COL13A1: variants seen among roughly 807,000 people sequenced by gnomAD.
COL13A1 encodes the protein collagen type XIII alpha 1 chain.
COL13A1 carries 89 observed loss-of-function variants against 130.9 expected under a neutral mutation model. The observed-to-expected ratio is 0.68, with a 90% CI of 0.57 to 0.81. The LOEUF is 0.81. Among genes scored for constraint, COL13A1 ranks in the 30% least tolerant of loss-of-function variants. The pLI is 0.00. For synonymous variants in COL13A1, 402 were observed against 341.6 expected, an observed-to-expected ratio of 1.18 and a Z score of -1.95; for missense variants, 879 against 934.6, an observed-to-expected ratio of 0.94 and a Z score of 0.78.
intron 39 of COL13A1, among the ~76,000 whole-genome samples, chr10:69,954,694 G>A (rs1000081256): frequency 1.3e-5 from 2 of 152,188 alleles, no homozygotes; most frequent in South Asian, 2.1e-4. Context: ...TCCAGGATTA[G>A]GTTTTCGGAT....
chr10:69,931,497 C>T (rs1383988954), intron 30 of COL13A1, among the ~76,000 whole-genome samples: 1 of 152,156 alleles, frequency 6.6e-6, no homozygotes, highest in Non-Finnish European at 1.5e-5. Context: ...GGAGCACCAA[C>T]CTAGTTCGAC....
intron 1 of COL13A1, among the ~76,000 whole-genome samples, chr10:69,819,752 C>T (rs550851231): frequency 6.6e-6 from 1 of 152,310 alleles, no homozygotes; most frequent in East Asian, 1.9e-4. Context: ...AGCTGTGGTG[C>T]TTTATGGCTG....
intron 2 of COL13A1, among the ~76,000 whole-genome samples, chr10:69,847,402 A>G (rs1853453009): frequency 6.6e-6 from 1 of 152,212 alleles, no homozygotes; most frequent in African/African-American, 2.4e-5. Flanking sequence ...ACCTACTGCA[A>G]TCTATTAAAT....
intron 1 of COL13A1, among the ~76,000 whole-genome samples, chr10:69,817,502 A>T (rs1234155383): frequency 6.6e-6 from 1 of 152,046 alleles, no homozygotes; most frequent in African/African-American, 2.4e-5. Context: ...TGAGGGAACC[A>T]CAGAATGATT....
chr10:69,932,664 T>A, intron 31 of COL13A1, 60 bp downstream of exon 31: 4 of 1,123,240 alleles, frequency 3.6e-6, no homozygotes, highest in Non-Finnish European at 5.4e-6. Context: ...GCATGCACAG[T>A]ATTTCTGTGC....
chr10:69,869,338 G>A, intron 3 of COL13A1, among the ~76,000 whole-genome samples: 1 of 87,782 alleles, frequency 1.1e-5, no homozygotes, highest in Non-Finnish European at 2.6e-5. Context: ...TTTGCCCAGT[G>A]CTGGCTGAAA....
At chr10:69,887,593 C>A in intron 8 of COL13A1, 102 bp downstream of exon 8, 7 of 1,277,818 alleles carry the variant, frequency 5.5e-6, no homozygotes, top group South Asian at 1.3e-5. Flanking sequence ...CTTTCTCTCC[C>A]AAACCCTGGT....
chr10:69,824,502 G>A (rs180811053), intron 2 of COL13A1, among the ~76,000 whole-genome samples: 14 of 152,328 alleles, frequency 9.2e-5, no homozygotes, highest in Non-Finnish European at 1.3e-4. Flanking sequence ...GAGCTGGGGA[G>A]GAATGTGGCA....
chr10:69,879,034 G>A lies in COL13A1; in HGVS notation c.462+969G>A, dbSNP rs534029913. 5.9e-5 allele frequency among the ~76,000 whole-genome samples: 9 copies of A among 152,296 alleles called. No homozygotes were observed. In the East Asian group the frequency reaches 1.2e-3, roughly 20 times the overall value. On this transcript the variant is annotated intron_variant, in intron 6 of 40. Transcript: ENST00000645393. Reference sequence around the variant, plus strand: ...ATTAAACACAAATTGTGTCAGGTGCGGGTTTAAGTATTTTGTCTGTTTTCC... The same window carrying A: ...ATTAAACACAAATTGTGTCAGGTGCAGGTTTAAGTATTTTGTCTGTTTTCC...
At chr10:69,839,890 G>C (rs1851136536) in intron 2 of COL13A1, among the ~76,000 whole-genome samples, 1 of 152,228 alleles carries the variant, frequency 6.6e-6, no homozygotes, top group Non-Finnish European at 1.5e-5. Context: ...CAATGAGCCA[G>C]GAAGCCACAG....
chr10:69,845,547 G>C (rs764042792), intron 2 of COL13A1, among the ~76,000 whole-genome samples: 1 of 151,824 alleles, frequency 6.6e-6, no homozygotes, highest in South Asian at 2.1e-4. Flanking sequence ...CTACACCAAA[G>C]TAGGCATCCC....
Position 69,888,322 on chromosome 10 carries a change from GGCAA to G in COL13A1, c.569_572del (p.Gly190AspfsTer13). 2 of 1,612,802 alleles carry G rather than the reference GGCAA, an allele frequency of 1.2e-6. No homozygotes were observed. Among genetic ancestry groups the G allele is most frequent in the Non-Finnish European group, 1.7e-6 (2 of 1,179,484 alleles). ...GTTTCAGGGTCCCATTGGGCTGGAC[GGCAA>G]ACCGGTAAGTGGACCCGCTCTCTCC... On this transcript the variant is annotated frameshift_variant, in exon 9 of 41. Coordinates refer to ENST00000645393, the MANE Select transcript of COL13A1 (RefSeq NM_001368882.1). LOFTEE classifies it high-confidence loss of function.
intron 17 of COL13A1, among the ~76,000 whole-genome samples, chr10:69,910,622 C>T (rs1046861045): frequency 6.6e-6 from 1 of 152,228 alleles, no homozygotes; most frequent in African/African-American, 2.4e-5. Context: ...TGCCCCCATG[C>T]CCCAGTCAGG....
chr10:69,884,439 C>A (rs2060429246), intron 7 of COL13A1, among the ~76,000 whole-genome samples: 1 of 152,192 alleles, frequency 6.6e-6, no homozygotes, highest in African/African-American at 2.4e-5. Flanking sequence ...GGCAGAGACA[C>A]AACTGACCAT....
intron 2 of COL13A1, among the ~76,000 whole-genome samples, chr10:69,849,572 CT>C (rs1449708590): frequency 1.3e-5 from 2 of 152,166 alleles, no homozygotes; most frequent in Admixed American, 6.5e-5. Flanking sequence ...TATCTTAGCC[CT>C]GGCCTCAATT....
At chr10:69,803,605 G>C (rs1234920498) in intron 1 of COL13A1, among the ~76,000 whole-genome samples, 1 of 152,144 alleles carries the variant, frequency 6.6e-6, no homozygotes, top group Non-Finnish European at 1.5e-5. Flanking sequence ...CAGCAGTCTG[G>C]GAAGAGGTCC....
chr10:69,823,139 T>G (rs1409094799), intron 2 of COL13A1, among the ~76,000 whole-genome samples: 1 of 152,258 alleles, frequency 6.6e-6, no homozygotes, highest in African/African-American at 2.4e-5. Context: ...ACTGTGTCTA[T>G]TCACCTGTGT....
chr10:69,938,828 G>A (rs1263867287), intron 34 of COL13A1, among the ~76,000 whole-genome samples: 1 of 152,170 alleles, frequency 6.6e-6, no homozygotes, highest in Non-Finnish European at 1.5e-5. Flanking sequence ...GATGACTTTA[G>A]CAGGCATTTT....
At chr10:69,880,371 C>A in intron 6 of COL13A1, 132 bp from the exon 7 acceptor site, 1 of 714,968 alleles carries the variant, frequency 1.4e-6, no homozygotes. Context: ...GCATCCCTCT[C>A]CTGTCCCATG....
Sources: allele counts gnomAD v4.1 joint callset (sites outside exome capture counted in the v4.1 genomes callset), GRCh38; gene constraint gnomAD v4.1.1; transcripts MANE v1.5; gene names NCBI Gene and HGNC (gene_info 2026-07-23, HGNC 2026-07-21).